Variants in RASGEF1C observed in about 807,000 individuals in gnomAD.
The protein encoded by RASGEF1C is RasGEF domain family member 1C, also known as ras-GEF domain-containing family member 1C.
A neutral mutation model predicts 58.1 loss-of-function variants in RASGEF1C; 27 were observed. The ratio of observed to expected loss-of-function variants is 0.46; its 90% CI spans 0.34 to 0.64. The LOEUF (loss-of-function observed/expected upper bound fraction) is 0.64. Among genes scored for constraint, RASGEF1C ranks in the 30% least tolerant of loss-of-function variants. The pLI, the probability that RASGEF1C is intolerant of heterozygous loss-of-function variation, is 0.01. For synonymous variants in RASGEF1C, 243 were observed against 246.3 expected (o/e 0.99, Z 0.13); for missense variants, 502 against 605.1 (o/e 0.83, Z 1.79).
chr5:180,207,224 C>A (rs7713702), intron 1 of RASGEF1C, among the ~76,000 whole-genome samples: 146,624 of 152,312 alleles, frequency 0.96, 70,796 homozygotes, highest in East Asian at 1. Flanking sequence ...TTCTGAAACT[C>A]TTTCGGGGTG....
At chr5:180,178,625 C>A (rs1215873062) in intron 1 of RASGEF1C, among the ~76,000 whole-genome samples, 1 of 152,008 alleles carries the variant, frequency 6.6e-6, no homozygotes, top group Non-Finnish European at 1.5e-5. Context: ...TTTCTGAGTC[C>A]TTAAGTCTGA....
At chr5:180,115,149 G>C (rs948744664) in intron 10 of RASGEF1C, 8 of 307,252 alleles carry the variant, frequency 2.6e-5, no homozygotes, top group South Asian at 2.2e-4. Flanking sequence ...CGAGTAGCTG[G>C]GATTACAGGC....
chr5:180,190,489 CAAAAAAAAA>C (rs869186264), intron 1 of RASGEF1C, among the ~76,000 whole-genome samples: 1,635 of 77,594 alleles, frequency 0.021, 142 homozygotes, highest in Middle Eastern at 0.044. Flanking sequence ...GACTCCGTCT[CAAAAAAAAA>C]AAAAAAAAAA....
chr5:180,165,897 C>A (rs1767014668), intron 1 of RASGEF1C, among the ~76,000 whole-genome samples: 1 of 151,226 alleles, frequency 6.6e-6, no homozygotes, highest in African/African-American at 2.4e-5. Flanking sequence ...CTACAGGCAC[C>A]TGCCATGACA....
Position 180,122,764 on chromosome 5 carries a change from C to CAAAAACA in RASGEF1C, c.715-1622_715-1616dup, listed in dbSNP as rs1163436098. Among the ~76,000 whole-genome samples the CAAAAACA allele has an allele frequency of 1.7e-4, 20 of 120,120 alleles. No homozygotes were observed. In the East Asian group the frequency reaches 3.9e-3, roughly 23 times the overall value. 78.8% of individuals were successfully genotyped at this position (120,120 alleles called of 152,430 possible). A position where few individuals can be genotyped will look rare whatever the true frequency, so the allele number is the denominator to read the frequency against. On this transcript the variant is annotated intron_variant, in intron 6 of 13. Transcript: ENST00000361132. ...CTAAAAAAAAAAAAAAAAACTAAAA[C>CAAAAACA]AAAAACAAAAAACAAAAAAAAATCC...
chr5:180,190,117 G>A (rs1306511900), intron 1 of RASGEF1C, among the ~76,000 whole-genome samples: 1 of 151,896 alleles, frequency 6.6e-6, no homozygotes, highest in African/African-American at 2.4e-5. Flanking sequence ...GGGAGGCCAA[G>A]GTATTAATAG....
At chr5:180,112,189 G>A (rs1430159415) in intron 11 of RASGEF1C, among the ~76,000 whole-genome samples, 1 of 152,196 alleles carries the variant, frequency 6.6e-6, no homozygotes, top group East Asian at 1.9e-4. Flanking sequence ...GGTGTCACCT[G>A]CGGAGGAGGA....
chr5:180,131,295 C>A (rs528464523), intron 4 of RASGEF1C, among the ~76,000 whole-genome samples: 30 of 152,266 alleles, frequency 2.0e-4, no homozygotes, highest in African/African-American at 6.7e-4. Context: ...GGCCTCTATG[C>A]GCCCTTGCTC....
Position 180,143,885 on chromosome 5 carries a change from G to A in RASGEF1C, c.-6-5827C>T, listed in dbSNP as rs186298501. On this transcript the variant is annotated intron_variant, in intron 1 of 13. Coordinates refer to ENST00000361132, the MANE Select transcript of RASGEF1C (RefSeq NM_175062.4). The surrounding 1 kb of genome is among the most constrained non-coding windows in gnomAD (Gnocchi z 4.3). ...AGAAAAGCAGGTGGCTGGTCAGAGC[G>A]CGTCCTGGGGGCTGGAGGGATGTTC... Among the ~76,000 whole-genome samples the A allele has an allele frequency of 3.9e-5, 6 of 152,262 alleles. No individual in the cohort carries two copies. Among genetic ancestry groups the A allele is most frequent in the Non-Finnish European group, 5.9e-5 (4 of 68,008 alleles).
At chr5:180,190,357 G>A (rs996834549) in intron 1 of RASGEF1C, among the ~76,000 whole-genome samples, 39 of 151,790 alleles carry the variant, frequency 2.6e-4, no homozygotes, top group African/African-American at 8.9e-4. Flanking sequence ...GGGCGTGGTG[G>A]CGGGCGCCTG....
At chr5:180,120,397 C>T (rs918360905) in intron 7 of RASGEF1C, among the ~76,000 whole-genome samples, 1 of 152,206 alleles carries the variant, frequency 6.6e-6, no homozygotes, top group Non-Finnish European at 1.5e-5. Flanking sequence ...CCCTCATGAA[C>T]ATGTGCCCCA....
intron 1 of RASGEF1C, among the ~76,000 whole-genome samples, chr5:180,186,754 G>A (rs911317429): frequency 4.6e-5 from 7 of 152,150 alleles, no homozygotes; most frequent in Non-Finnish European, 7.3e-5. Flanking sequence ...ATCAGTTGAG[G>A]TCAGAGTTCA....
chr5:180,191,521 T>C (rs1399062480), intron 1 of RASGEF1C, among the ~76,000 whole-genome samples: 2 of 151,682 alleles, frequency 1.3e-5, no homozygotes, highest in East Asian at 1.9e-4. Context: ...CACGGCCGGC[T>C]GATTTTTTGT....
chr5:180,174,574 C>G (rs968687241), intron 1 of RASGEF1C, among the ~76,000 whole-genome samples: 5 of 145,920 alleles, frequency 3.4e-5, no homozygotes, highest in Admixed American at 2.1e-4. Context: ...GCACGTGTGT[C>G]TGTGTGTGCG....
At chr5:180,135,011 C>T (rs13177954) in intron 4 of RASGEF1C, among the ~76,000 whole-genome samples, 40,848 of 141,934 alleles carry the variant, frequency 0.29, 6,807 homozygotes, top group East Asian at 0.63. Context: ...TCCCAGCCGG[C>T]CAGCCAGCAC....
chr5:180,170,762 C>T (rs1389994337), intron 1 of RASGEF1C, among the ~76,000 whole-genome samples: 1 of 152,228 alleles, frequency 6.6e-6, no homozygotes, highest in Non-Finnish European at 1.5e-5. Flanking sequence ...GGCCACCTGC[C>T]TCGGAGCCCC....
At chr5:180,190,489 C>CAAAAAAA (rs869186264) in intron 1 of RASGEF1C, among the ~76,000 whole-genome samples, 6 of 77,592 alleles carry the variant, frequency 7.7e-5, no homozygotes, top group African/African-American at 2.3e-4. Context: ...GACTCCGTCT[C>CAAAAAAA]AAAAAAAAAA....
chr5:180,166,254 ACT>A (rs1179152569), intron 1 of RASGEF1C, among the ~76,000 whole-genome samples: 1 of 152,100 alleles, frequency 6.6e-6, no homozygotes, highest in Non-Finnish European at 1.5e-5. Context: ...GCCATCTGAC[ACT>A]GTTATTTTCA....
intron 4 of RASGEF1C, among the ~76,000 whole-genome samples, chr5:180,132,498 C>G (rs1032495304): frequency 2.6e-5 from 4 of 152,248 alleles, no homozygotes; most frequent in Non-Finnish European, 5.9e-5. Context: ...CTGATGTCCT[C>G]CTGCCTACTG....
Sources: gnomAD v4.1 joint callset for allele counts (sites outside exome capture counted in the v4.1 genomes callset) on GRCh38, gnomAD v4.1.1 for gene constraint, Gnocchi (gnomAD v3.1) non-coding constraint, MANE v1.5 for transcripts, NCBI Gene and HGNC (gene_info 2026-07-23, HGNC 2026-07-21) for gene names.